Variants in ARSG observed in about 807,000 individuals in gnomAD.
ARSG encodes the protein ASG.
ARSG carries 37 observed loss-of-function variants against 50.5 expected under a neutral mutation model. That is an observed-to-expected ratio of 0.73 (90% confidence interval 0.56 to 0.96). The LOEUF (loss-of-function observed/expected upper bound fraction) is 0.96. ARSG is among the 50% of genes least tolerant of loss of function. The probability of loss-of-function intolerance (pLI) is 0.00; values close to 1 mark genes in which losing one functional copy is unlikely to be tolerated. For missense variants in ARSG, 629 were observed against 675.3 expected, an observed-to-expected ratio of 0.93 and a Z score of 0.76; for synonymous variants, 225 against 254.6, an observed-to-expected ratio of 0.88 and a Z score of 1.11.
At chr17:68,335,866 TAAGCCCAG>T (rs1457710144) in intron 2 of ARSG, among the ~76,000 whole-genome samples, 6 of 152,170 alleles carry the variant, frequency 3.9e-5, no homozygotes, top group Non-Finnish European at 8.8e-5. Flanking sequence ...GGGCAGCAGA[TAAGCCCAG>T]AGAAGCAAGA....
upstream of ARSG, among the ~76,000 whole-genome samples, chr17:68,287,129 A>G (rs967993098): frequency 1.3e-5 from 2 of 152,128 alleles, no homozygotes; most frequent in Admixed American, 1.3e-4. Context: ...GATTACAGGC[A>G]TGCGCCACCA....
chr17:68,386,581 C>T (rs561993305), intron 9 of ARSG, among the ~76,000 whole-genome samples: 8 of 152,226 alleles, frequency 5.3e-5, no homozygotes, highest in South Asian at 2.1e-4. Flanking sequence ...GTGCTGTCAG[C>T]GGGTACCAGC....
intron 2 of ARSG, among the ~76,000 whole-genome samples, chr17:68,339,873 A>G (rs1398398766): frequency 2.0e-5 from 3 of 152,186 alleles, no homozygotes; most frequent in African/African-American, 7.2e-5. Flanking sequence ...GCTCTGTCCA[A>G]TTTATGATGC....
chr17:68,344,557 T>C (rs17739194), intron 3 of ARSG, among the ~76,000 whole-genome samples: 5,158 of 152,360 alleles, frequency 0.034, 131 homozygotes, highest in Non-Finnish European at 0.051. Flanking sequence ...GCAAGAGAAC[T>C]GAGTTTCAGG....
chr17:68,280,222 A>G (rs1555752253), intron 1 of ARSG, among the ~76,000 whole-genome samples: 1 of 151,792 alleles, frequency 6.6e-6, no homozygotes, highest in East Asian at 1.9e-4. Context: ...ATATGACCCA[A>G]AGCAATCTAC....
chr17:68,398,487 T>C (rs988059266), intron 10 of ARSG, among the ~76,000 whole-genome samples: 1 of 152,222 alleles, frequency 6.6e-6, no homozygotes, highest in African/African-American at 2.4e-5. Flanking sequence ...TACATATGTA[T>C]TTTAAAATAA....
the ARSG span, among the ~76,000 whole-genome samples, chr17:68,442,706 TGC>T: frequency 6.6e-6 from 1 of 152,194 alleles, no homozygotes; most frequent in African/African-American, 2.4e-5. Context: ...TCAAGCTCTA[TGC>T]AGATTCAGGG....
At chr17:68,388,922 C>CAAAA (rs35105754) in intron 9 of ARSG, among the ~76,000 whole-genome samples, 89 of 108,008 alleles carry the variant, frequency 8.2e-4, no homozygotes, top group African/African-American at 2.1e-3. Flanking sequence ...GACTCTGTCT[C>CAAAA]AAAAAAAAAA....
At chr17:68,385,308 CT>C in intron 9 of ARSG, 136 bp downstream of exon 9, 1 of 677,920 alleles carries the variant, frequency 1.5e-6, no homozygotes, top group Non-Finnish European at 2.6e-6. Context: ...TCATTCACCA[CT>C]TGCCTTTGCC....
At chr17:68,301,819 T>C (rs182463001) in intron 1 of ARSG, among the ~76,000 whole-genome samples, 73 of 152,068 alleles carry the variant, frequency 4.8e-4, no homozygotes, top group Admixed American at 1.6e-3. Flanking sequence ...TTTCCCAGTT[T>C]CTCTGCCTTT....
rs146100013 is a variant in ARSG, at chr17:68,366,386, T to TA, written c.705-2155dup. ...TGCAATATGGAATCTACCTGAAAAT[T>TA]AAAAAAAGCCACCCCCACTGGCCAG... On this transcript the variant is annotated intron_variant, in intron 6 of 11. Transcript: ENST00000621439. Among the ~76,000 whole-genome samples, 661 of 152,118 alleles carry TA rather than the reference T, an allele frequency of 4.3e-3. 6 individuals are homozygous for TA. Among genetic ancestry groups the TA allele is most frequent in the African/African-American group, 0.015 (622 of 41,472 alleles).
intron 2 of ARSG, among the ~76,000 whole-genome samples, chr17:68,331,185 C>T (rs2077727940): frequency 3.0e-5 from 1 of 33,854 alleles, no homozygotes; most frequent in Admixed American, 3.5e-4. Context: ...GGGTTTCTTT[C>T]TTTCTTTCTT....
At chr17:68,411,097 G>T (rs984855143) in intron 11 of ARSG, among the ~76,000 whole-genome samples, 1 of 152,076 alleles carries the variant, frequency 6.6e-6, no homozygotes, top group Non-Finnish European at 1.5e-5. Context: ...CTGATTTTTT[G>T]AAGGGTTTCT....
intron 1 of ARSG, among the ~76,000 whole-genome samples, chr17:68,299,936 G>GTTTT (rs1555761063): frequency 8.7e-6 from 1 of 115,418 alleles, no homozygotes; most frequent in African/African-American, 3.5e-5. Context: ...ATTTGGTATT[G>GTTTT]CTTTTTTTTT....
At position 68,299,851 on chromosome 17, in the gene ARSG, T is replaced by C. The variant is rs574869030; in HGVS notation, c.-551-7092T>C. Among the ~76,000 whole-genome samples the C allele has an allele frequency of 6.6e-5, 10 of 152,272 alleles. No individual in the cohort carries two copies. The South Asian group carries it at 2.1e-3, about 32-fold the overall frequency. On this transcript the variant is annotated intron_variant, in intron 1 of 11. Coordinates refer to ENST00000621439, the MANE Select transcript of ARSG (RefSeq NM_001267727.2). ...GTTAATTTTTAAAAGGAGGGTGTTA[T>C]GGAATTGTAGTTATATAGTAAGAAT... is the stretch of plus-strand genomic sequence containing the variant.
At chr17:68,392,331 A>G (rs61502349) in intron 9 of ARSG, among the ~76,000 whole-genome samples, 21,504 of 152,132 alleles carry the variant, frequency 0.14, 2,750 homozygotes, top group East Asian at 0.36. Flanking sequence ...AAGATGTGCC[A>G]TAGGTAGAGT....
At chr17:68,435,772 C>G in the ARSG span, 1 of 1,458,806 alleles carries the variant, frequency 6.9e-7, no homozygotes, top group Non-Finnish European at 9.6e-7. Context: ...TGGATTTCAC[C>G]TCCCTCCCCT....
At chr17:68,286,623 G>A (rs1050175713), upstream of ARSG, among the ~76,000 whole-genome samples, 2 of 152,122 alleles carry the variant, frequency 1.3e-5, no homozygotes, top group African/African-American at 4.8e-5. Flanking sequence ...TTCTGCCTCA[G>A]CCTCCCGAGT....
At chr17:68,387,511 A>G (rs1316644088) in intron 9 of ARSG, among the ~76,000 whole-genome samples, 1 of 152,200 alleles carries the variant, frequency 6.6e-6, no homozygotes. Flanking sequence ...GCTGTTTCCC[A>G]TATGAATCCA....
Sources: gnomAD v4.1 joint callset for allele counts (sites outside exome capture counted in the v4.1 genomes callset) on GRCh38, gnomAD v4.1.1 for gene constraint, MANE v1.5 for transcripts, NCBI Gene and HGNC (gene_info 2026-07-23, HGNC 2026-07-21) for gene names.